The following TTC29 variants were observed in gnomAD, a reference collection of about 807,000 sequenced individuals.
The protein encoded by TTC29 is tetratricopeptide repeat domain 29.
A neutral mutation model predicts 58.1 loss-of-function variants in TTC29; 49 were observed. That is an observed-to-expected ratio of 0.84 (90% CI 0.67 to 1.07). The LOEUF (loss-of-function observed/expected upper bound fraction) is 1.07. Ranked by LOEUF, TTC29 falls within the 50% of genes least tolerant of loss-of-function variation. The pLI is 0.00. For synonymous variants in TTC29, 209 were observed against 196.8 expected, an observed-to-expected ratio of 1.06 and a Z score of -0.52; for missense variants, 582 against 555.6, an observed-to-expected ratio of 1.05 and a Z score of -0.48.
intron 4 of TTC29, among the ~76,000 whole-genome samples, chr4:146,916,148 T>G (rs1031247103): frequency 6.6e-6 from 1 of 151,868 alleles, no homozygotes; most frequent in African/African-American, 2.4e-5. Context: ...TATTCTTACC[T>G]ATCTTTTTCG....
intron 6 of TTC29, among the ~76,000 whole-genome samples, chr4:146,878,271 T>C (rs1356715488): frequency 6.6e-6 from 1 of 152,184 alleles, no homozygotes; most frequent in Non-Finnish European, 1.5e-5. Context: ...TTCATGGTTA[T>C]TGGCCAAAGT....
intron 8 of TTC29, among the ~76,000 whole-genome samples, chr4:146,840,401 CAGTA>C (rs1728782619): frequency 6.6e-6 from 1 of 151,998 alleles, no homozygotes; most frequent in Non-Finnish European, 1.5e-5. Context: ...AGAACTCTTC[CAGTA>C]TATTCCATTA....
At chr4:146,898,819 G>A (rs1423959023) in intron 6 of TTC29, among the ~76,000 whole-genome samples, 2 of 152,170 alleles carry the variant, frequency 1.3e-5, no homozygotes, top group Non-Finnish European at 1.5e-5. Context: ...ATTGGGAGAA[G>A]GGAAAGGACT....
chr4:146,938,423 T>TA (rs1169179981), intron 3 of TTC29, among the ~76,000 whole-genome samples: 1 of 152,140 alleles, frequency 6.6e-6, no homozygotes, highest in Non-Finnish European at 1.5e-5. Context: ...ACGTTTTCTT[T>TA]AAAACTCATC....
intron 8 of TTC29, among the ~76,000 whole-genome samples, chr4:146,834,744 C>T (rs568366655): frequency 1.6e-4 from 24 of 152,190 alleles, no homozygotes; most frequent in East Asian, 1.4e-3. Flanking sequence ...GTGTGAGGGA[C>T]GACATAAAAA....
intron 8 of TTC29, among the ~76,000 whole-genome samples, chr4:146,851,290 A>G (rs1272332401): frequency 1.3e-5 from 2 of 152,254 alleles, no homozygotes; most frequent in Non-Finnish European, 1.5e-5. Context: ...CTGAAGCACA[A>G]GATGGGCCAA....
chr4:146,804,696 C>T (rs1448776835), intron 10 of TTC29, among the ~76,000 whole-genome samples: 1 of 152,206 alleles, frequency 6.6e-6, no homozygotes, highest in Non-Finnish European at 1.5e-5. Context: ...TTACGCCTCT[C>T]TGGGCAGGGC....
intron 11 of TTC29, among the ~76,000 whole-genome samples, chr4:146,741,597 GTC>G (rs1182457662): frequency 6.6e-6 from 1 of 151,300 alleles, no homozygotes; most frequent in African/African-American, 2.4e-5. Flanking sequence ...CTCTTAACTG[GTC>G]TCTTTGCTTC....
chr4:146,844,379 C>T (rs978030863), intron 8 of TTC29, among the ~76,000 whole-genome samples: 1 of 152,092 alleles, frequency 6.6e-6, no homozygotes, highest in Non-Finnish European at 1.5e-5. Context: ...ATTACCTTAA[C>T]AAGATACATA....
intron 8 of TTC29, among the ~76,000 whole-genome samples, chr4:146,864,661 T>G (rs112351358): frequency 5.3e-4 from 81 of 152,340 alleles, no homozygotes; most frequent in African/African-American, 1.9e-3. Flanking sequence ...TCCTTGCCTC[T>G]TTTATCTCCT....
intron 9 of TTC29, among the ~76,000 whole-genome samples, chr4:146,828,488 T>C (rs963694239): frequency 6.6e-6 from 1 of 152,066 alleles, no homozygotes; most frequent in Non-Finnish European, 1.5e-5. Context: ...AAAATTATTA[T>C]TATTAATTAT....
At chr4:146,723,578 C>T (rs1160987287) in intron 11 of TTC29, among the ~76,000 whole-genome samples, 1 of 152,154 alleles carries the variant, frequency 6.6e-6, no homozygotes, top group African/African-American at 2.4e-5. Flanking sequence ...ATGACATGAA[C>T]AGACACTTCT....
chr4:146,883,665 A>G (rs1040438994), intron 6 of TTC29, among the ~76,000 whole-genome samples: 16 of 152,062 alleles, frequency 1.1e-4, no homozygotes, highest in African/African-American at 3.9e-4. Flanking sequence ...TCAGTGTAGC[A>G]AGAACTGTGG....
At chr4:146,832,163 C>T (rs1222976289) in intron 9 of TTC29, among the ~76,000 whole-genome samples, 1 of 132,064 alleles carries the variant, frequency 7.6e-6, no homozygotes, top group African/African-American at 3.1e-5. Flanking sequence ...CAAAGCAAAG[C>T]AAAGAATCCA....
At chr4:146,857,948 G>T (rs191577709) in intron 8 of TTC29, among the ~76,000 whole-genome samples, 15 of 152,128 alleles carry the variant, frequency 9.9e-5, no homozygotes, top group Admixed American at 9.2e-4. Context: ...TAGGTACTAC[G>T]TAATGTACAT....
intron 6 of TTC29, among the ~76,000 whole-genome samples, chr4:146,901,218 A>G (rs1215029753): frequency 6.6e-6 from 1 of 152,180 alleles, no homozygotes; most frequent in East Asian, 1.9e-4. Flanking sequence ...ATTTTTAACA[A>G]ATTTCTCAAT....
At chr4:146,932,197 AAAG>A (rs1258775485) in intron 4 of TTC29, among the ~76,000 whole-genome samples, 1 of 152,150 alleles carries the variant, frequency 6.6e-6, no homozygotes, top group Non-Finnish European at 1.5e-5. Flanking sequence ...AATTCATGAG[AAAG>A]AAGAAATTTT....
At chr4:146,877,922 A>T (rs1731380391) in intron 6 of TTC29, among the ~76,000 whole-genome samples, 2 of 152,210 alleles carry the variant, frequency 1.3e-5, no homozygotes, top group South Asian at 4.1e-4. Context: ...ATATGGGGGC[A>T]GAAAGGGGAG....
At chr4:146,746,820 A>G (rs1745584157) in intron 11 of TTC29, among the ~76,000 whole-genome samples, 1 of 152,190 alleles carries the variant, frequency 6.6e-6, no homozygotes. Context: ...TGATGTCAGT[A>G]AAATGGCTGA....
Sources: gnomAD v4.1 joint callset for allele counts (sites outside exome capture counted in the v4.1 genomes callset) on GRCh38, gnomAD v4.1.1 for gene constraint, MANE v1.5 for transcripts, NCBI Gene and HGNC (gene_info 2026-07-23, HGNC 2026-07-21) for gene names.